The following ANGPT1 variants were observed in gnomAD, a reference collection of about 807,000 sequenced individuals.
ANGPT1 encodes angiopoietin 1.
A neutral mutation model predicts 62.2 loss-of-function variants in ANGPT1; 17 were observed. That is an observed-to-expected ratio of 0.27 (90% CI 0.19 to 0.41). ANGPT1 has a LOEUF of 0.41. ANGPT1 is among the 10% of genes least tolerant of loss of function. ANGPT1 has a pLI of 1.00. For missense variants in ANGPT1, 478 were observed against 594.9 expected (o/e 0.80, Z 2.04); for synonymous variants, 199 against 198.9 (o/e 1.00, Z 0.00).
At chr8:107,429,435 A>G (rs1194214232) in intron 1 of ANGPT1, among the ~76,000 whole-genome samples, 1 of 152,214 alleles carries the variant, frequency 6.6e-6, no homozygotes. Context: ...CGAAGTTTCC[A>G]AAGGCTTTAC....
chr8:107,297,587 C>T (rs1423990109), intron 5 of ANGPT1, among the ~76,000 whole-genome samples: 1 of 148,618 alleles, frequency 6.7e-6, no homozygotes, highest in Non-Finnish European at 1.5e-5. Flanking sequence ...TATAACATTG[C>T]ATACAAATTT....
At chr8:107,319,430 G>A (rs1815100065) in intron 4 of ANGPT1, among the ~76,000 whole-genome samples, 2 of 152,008 alleles carry the variant, frequency 1.3e-5, no homozygotes, top group South Asian at 4.1e-4. Context: ...AGATCTTGTA[G>A]AATACCTATA....
chr8:107,403,421 A>G (rs766437126), intron 1 of ANGPT1, among the ~76,000 whole-genome samples: 1 of 152,162 alleles, frequency 6.6e-6, no homozygotes, highest in Non-Finnish European at 1.5e-5. Context: ...AGATTTGCCA[A>G]CAAGAAAGAG....
chr8:107,478,526 G>A (rs1048095877), intron 1 of ANGPT1, among the ~76,000 whole-genome samples: 2 of 152,086 alleles, frequency 1.3e-5, no homozygotes, highest in Non-Finnish European at 2.9e-5. Context: ...TCCAGTCTGG[G>A]CAACAGAGCG....
chr8:107,357,630 C>T (rs1319564932), intron 1 of ANGPT1, among the ~76,000 whole-genome samples: 5 of 152,058 alleles, frequency 3.3e-5, no homozygotes, highest in Admixed American at 6.6e-5. Flanking sequence ...CAAATGGCAG[C>T]GATGCAAACA....
At chr8:107,314,690 A>C (rs1814972283) in intron 4 of ANGPT1, among the ~76,000 whole-genome samples, 1 of 152,214 alleles carries the variant, frequency 6.6e-6, no homozygotes, top group Non-Finnish European at 1.5e-5. Flanking sequence ...CATTAAATGG[A>C]AACAAGTACT....
chr8:107,315,090 A>G (rs1814983230), intron 4 of ANGPT1, among the ~76,000 whole-genome samples: 1 of 152,176 alleles, frequency 6.6e-6, no homozygotes, highest in Non-Finnish European at 1.5e-5. Flanking sequence ...CCCCTTTAAG[A>G]AGACTAGAGG....
At chr8:107,393,087 C>T (rs1319521910) in intron 1 of ANGPT1, among the ~76,000 whole-genome samples, 1 of 152,144 alleles carries the variant, frequency 6.6e-6, no homozygotes, top group Non-Finnish European at 1.5e-5. Flanking sequence ...AGTTGGTGTT[C>T]AACTCAGAAA....
At chr8:107,257,293 A>C (rs1484751363) in intron 8 of ANGPT1, among the ~76,000 whole-genome samples, 3 of 152,186 alleles carry the variant, frequency 2.0e-5, no homozygotes, top group African/African-American at 7.2e-5. Context: ...AACTCATTAA[A>C]ATTTAGTTTA....
intron 1 of ANGPT1, among the ~76,000 whole-genome samples, chr8:107,392,016 A>T: frequency 6.6e-6 from 1 of 152,180 alleles, no homozygotes; most frequent in Non-Finnish European, 1.5e-5. Flanking sequence ...GCATGACTGT[A>T]ATAGCTGTAA....
intron 1 of ANGPT1, among the ~76,000 whole-genome samples, chr8:107,360,102 C>T (rs570376247): frequency 2.3e-4 from 35 of 152,006 alleles, no homozygotes; most frequent in African/African-American, 8.2e-4. Flanking sequence ...TACCTGCCAC[C>T]CCTAATTCTC....
At chr8:107,384,657 C>G (rs1376237411) in intron 1 of ANGPT1, among the ~76,000 whole-genome samples, 1 of 151,908 alleles carries the variant, frequency 6.6e-6, no homozygotes, top group African/African-American at 2.4e-5. Flanking sequence ...GGGTAACAAA[C>G]AGCAAAAATG....
intron 1 of ANGPT1, among the ~76,000 whole-genome samples, chr8:107,467,082 A>G (rs1356996841): frequency 6.6e-6 from 1 of 152,102 alleles, no homozygotes; most frequent in African/African-American, 2.4e-5. Context: ...GATTTAGAAC[A>G]CAGGTTTGTC....
At chr8:107,370,871 C>T (rs1425633811) in intron 1 of ANGPT1, among the ~76,000 whole-genome samples, 1 of 150,948 alleles carries the variant, frequency 6.6e-6, no homozygotes, top group East Asian at 1.9e-4. Flanking sequence ...ATGAGAATTA[C>T]CAAAATGTGA....
At chr8:107,328,171 A>G (rs1586227980) in intron 3 of ANGPT1, among the ~76,000 whole-genome samples, 1 of 152,060 alleles carries the variant, frequency 6.6e-6, no homozygotes, top group South Asian at 2.1e-4. Context: ...AGATGTTCCA[A>G]TATTTTCCAC....
At chr8:107,378,981 T>C (rs1816584771) in intron 1 of ANGPT1, among the ~76,000 whole-genome samples, 1 of 151,438 alleles carries the variant, frequency 6.6e-6, no homozygotes. Context: ...AAGACTATTT[T>C]TAGTCCTACA....
chr8:107,464,860 T>C (rs1411345197), intron 1 of ANGPT1, among the ~76,000 whole-genome samples: 3 of 151,856 alleles, frequency 2.0e-5, no homozygotes, highest in Non-Finnish European at 4.4e-5. Context: ...GTGTTGATGG[T>C]GGGGTGGCGG....
chr8:107,259,208 C>T (rs1202996558), intron 8 of ANGPT1, among the ~76,000 whole-genome samples: 5 of 152,118 alleles, frequency 3.3e-5, no homozygotes, highest in Non-Finnish European at 2.9e-5. Context: ...TTTTAGTTAT[C>T]TGATCATGCT....
chr8:107,298,994 A>T (rs1814488005), intron 5 of ANGPT1, among the ~76,000 whole-genome samples: 1 of 151,694 alleles, frequency 6.6e-6, no homozygotes, highest in African/African-American at 2.4e-5. Flanking sequence ...TAGGATTGAG[A>T]GAATGCTGAC....
Sources: gnomAD v4.1 joint callset for allele counts (sites outside exome capture counted in the v4.1 genomes callset) on GRCh38, gnomAD v4.1.1 for gene constraint, MANE v1.5 for transcripts, NCBI Gene and HGNC (gene_info 2026-07-23, HGNC 2026-07-21) for gene names.